Variants in CHD2 observed in about 807,000 individuals in gnomAD.
CHD2 encodes the protein ATP-dependent chromatin remodeler CHD2.
CHD2 carries 28 observed loss-of-function variants against 243.9 expected under a neutral mutation model. The ratio of observed to expected loss-of-function variants is 0.11; its 90% confidence interval spans 0.09 to 0.16. CHD2 has a LOEUF of 0.16. Among genes scored for constraint, CHD2 ranks in the 10% least tolerant of loss-of-function variants. The pLI, the probability that CHD2 is intolerant of heterozygous loss-of-function variation, is 1.00. For missense variants in CHD2, 1,386 were observed against 2,209.8 expected (o/e 0.63, Z 7.47); for synonymous variants, 775 against 779.0 (o/e 0.99, Z 0.09).
At chr15:92,904,408 C>A in intron 2 of CHD2, 2 of 967,754 alleles carry the variant, frequency 2.1e-6, no homozygotes, top group Non-Finnish European at 2.5e-6. Context: ...CCCTGGGGGG[C>A]GGGGAGAGAA....
At chr15:93,021,184 A>G (rs1031961473) in intron 38 of CHD2, 1 of 152,188 alleles carries the variant, frequency 6.6e-6, no homozygotes, top group Non-Finnish European at 1.5e-5. Context: ...TGCTGAGTGT[A>G]TACATTTTTG....
In CHD2 at chr15:93,025,796, C is replaced by G. The variant is rs1200319237; in HGVS notation, c.*1091C>G. The G allele has an allele frequency of 1.3e-5, 2 of 152,192 alleles. No homozygotes were observed. The highest frequency in any genetic ancestry group is 2.4e-5 in the African/African-American group (1 of 41,428). 9.4% of individuals were successfully genotyped at this position (152,192 alleles called of 1,614,324 possible). A position where few individuals can be genotyped will look rare whatever the true frequency, so the allele number is the denominator to read the frequency against. On this transcript the variant is annotated 3_prime_UTR_variant, in exon 39 of 39. Coordinates refer to ENST00000394196, the MANE Select transcript of CHD2 (RefSeq NM_001271.4). ...TCAGTATTGCGCTAGGTCAACACTT[C>G]CTGCTGCATTTCCTTCCCTTTGCAC...
At position 92,927,222 on chromosome 15, in the gene CHD2, G is replaced by A. The variant is rs147887115; in HGVS notation, c.295-22G>A. ...ATGGGGGTCAAGAAAAAAGATTAATGCGTGGTCTCTTAATTTTACAGATGT... is the reference window on the plus strand; with the variant it reads ...ATGGGGGTCAAGAAAAAAGATTAATACGTGGTCTCTTAATTTTACAGATGT... On this transcript the variant is annotated intron_variant, in intron 3 of 38. Transcript: ENST00000394196. The A allele has an allele frequency of 7.9e-5, 122 of 1,544,976 alleles. No individual in the cohort carries two copies. In the African/African-American group the frequency reaches 1.4e-3, roughly 18 times the overall value.
intron 18 of CHD2, 62 bp downstream of exon 18, chr15:92,971,989 A>G (rs1200726678): frequency 6.6e-7 from 1 of 1,504,818 alleles, no homozygotes; most frequent in Non-Finnish European, 9.0e-7. Context: ...GGTGCTTTTC[A>G]TCAGAATGCT....
chr15:92,979,460 A>G (rs2053949502), intron 22 of CHD2, among the ~76,000 whole-genome samples, 177 bp downstream of exon 22: 1 of 151,988 alleles, frequency 6.6e-6, no homozygotes, highest in African/African-American at 2.4e-5. Flanking sequence ...TTTTTTGCCC[A>G]TCACCCCCCT....
chr15:92,903,793 A>G (rs2052566019), intron 2 of CHD2, among the ~76,000 whole-genome samples: 1 of 152,222 alleles, frequency 6.6e-6, no homozygotes, highest in Admixed American at 6.5e-5. Context: ...AATTTATCTT[A>G]AGAATTGAAC....
Position 92,998,716 on chromosome 15 carries a change from C to T in CHD2, c.4008+95C>T. 7.0e-7 allele frequency: 1 copy of T among 1,418,742 alleles called. No individual in the cohort carries two copies. The highest frequency in any genetic ancestry group is 9.6e-7 in the Non-Finnish European group (1 of 1,043,722). 87.9% of individuals were successfully genotyped at this position (1,418,742 alleles called of 1,614,324 possible). A position where few individuals can be genotyped will look rare whatever the true frequency, so the allele number is the denominator to read the frequency against. On this transcript the variant is annotated intron_variant, in intron 31 of 38. Coordinates refer to ENST00000394196, the MANE Select transcript of CHD2 (RefSeq NM_001271.4). This position sits in a 1 kb window ranked among gnomAD's most constrained non-coding sequence, Gnocchi z 5.1. ...AGAGAGGCCCTCTCTGAGCACTGCA[C>T]AGAATGTCACCTTCTCATGGGCATA...
At chr15:92,965,121 T>C (rs771600686) in intron 16 of CHD2, 1 of 152,208 alleles carries the variant, frequency 6.6e-6, no homozygotes, top group Non-Finnish European at 1.5e-5. Context: ...AATACAGAAG[T>C]TGATAGCAGG....
At chr15:92,948,320 C>A (rs7167194) in intron 12 of CHD2, among the ~76,000 whole-genome samples, 69,981 of 151,984 alleles carry the variant, frequency 0.46, 17,322 homozygotes, top group East Asian at 0.85. Flanking sequence ...TCTTTAGAAT[C>A]AGATAACAGA....
At chr15:92,928,493 A>G (rs1373598290) in intron 4 of CHD2, among the ~76,000 whole-genome samples, 3 of 119,830 alleles carry the variant, frequency 2.5e-5, no homozygotes, top group Non-Finnish European at 1.9e-5. Flanking sequence ...GAGTGAACAT[A>G]CTCTTAAATG....
Position 92,926,258 on chromosome 15 carries a change from C to T in CHD2, c.295-986C>T, listed in dbSNP as rs372199125. ...AGGGTGGTGGGATTACATGCCTGGC[C>T]CTACACTTTTAAATACAAACATTTC... is the stretch of plus-strand genomic sequence containing the variant. On this transcript the variant is annotated intron_variant, in intron 3 of 38. Coordinates refer to ENST00000394196, the MANE Select transcript of CHD2 (RefSeq NM_001271.4). Among the ~76,000 whole-genome samples, 146 of 152,344 alleles carry T rather than the reference C, an allele frequency of 9.6e-4. 2 individuals are homozygous for T. The South Asian group carries it at 0.029, about 31-fold the overall frequency.
At chr15:92,909,267 T>G (rs540938417) in intron 2 of CHD2, among the ~76,000 whole-genome samples, 1 of 152,330 alleles carries the variant, frequency 6.6e-6, no homozygotes, top group African/African-American at 2.4e-5. Flanking sequence ...GAAGTTTAGA[T>G]TCTAGAATTA....
Position 92,991,525 on chromosome 15 carries a change from C to T in CHD2, c.3455+8C>T. ...TGGTCTCCCTCTTGAACGGTAAGTTCAGTGTAATAGTCCCTTATCTTCCTC... is the reference window on the plus strand; with the variant it reads ...TGGTCTCCCTCTTGAACGGTAAGTTTAGTGTAATAGTCCCTTATCTTCCTC... On this transcript the variant is annotated splice_region_variant and intron_variant, in intron 27 of 38. Coordinates refer to ENST00000394196, the MANE Select transcript of CHD2 (RefSeq NM_001271.4). 1.9e-6 allele frequency: 3 copies of T among 1,601,080 alleles called. No individual in the cohort carries two copies. Among genetic ancestry groups the T allele is most frequent in the Non-Finnish European group, 2.6e-6 (3 of 1,171,224 alleles).
intron 28 of CHD2, 106 bp from the exon 29 acceptor site, chr15:92,996,851 C>T: frequency 9.2e-7 from 1 of 1,085,378 alleles, no homozygotes; most frequent in Non-Finnish European, 1.3e-6. Context: ...AACAATAAGC[C>T]AGAGATATAT....
At chr15:92,964,101 T>C (rs551176160) in intron 16 of CHD2, among the ~76,000 whole-genome samples, 204 of 152,358 alleles carry the variant, frequency 1.3e-3, no homozygotes, top group African/African-American at 4.8e-3. Flanking sequence ...TCTTTTGTAA[T>C]TGGAGAGAGG....
At chr15:92,927,584 A>G (rs539092492) in intron 4 of CHD2, among the ~76,000 whole-genome samples, 15 of 152,236 alleles carry the variant, frequency 9.9e-5, no homozygotes, top group African/African-American at 3.6e-4. Context: ...AAAATGGTTT[A>G]TTTTTTAAGT....
intron 34 of CHD2, among the ~76,000 whole-genome samples, chr15:93,006,419 C>T (rs952614104): frequency 1.3e-5 from 2 of 152,156 alleles, no homozygotes; most frequent in African/African-American, 4.8e-5. Context: ...GCCACCGCAC[C>T]CGGCCTTTTC....
chr15:93,011,063 G>A lies in CHD2; in HGVS notation c.4593-1282G>A, dbSNP rs762354285. Among the ~76,000 whole-genome samples, 25 of 151,792 alleles carry A rather than the reference G, an allele frequency of 1.6e-4. 1 individual carries two copies. The highest frequency in any genetic ancestry group is 2.6e-4 in the Admixed American group (4 of 15,264). ...TTACCAACTTCTTTCTTTACCTAGCGGCATCTGGCCTTTTTTTTTTTTCTT... is the reference window on the plus strand; with the variant it reads ...TTACCAACTTCTTTCTTTACCTAGCAGCATCTGGCCTTTTTTTTTTTTCTT... On this transcript the variant is annotated intron_variant, in intron 35 of 38. Coordinates refer to ENST00000394196, the MANE Select transcript of CHD2 (RefSeq NM_001271.4).
chr15:93,018,667 C>T lies in CHD2; in HGVS notation c.4907-1345C>T, dbSNP rs76859432. ...CAGGGTTGGTTCCTTCTGGAGGCTC[C>T]GAGGGAAAAGCTGTTCCATGCCTCT... On this transcript the variant is annotated intron_variant, in intron 37 of 38. Coordinates refer to ENST00000394196, the MANE Select transcript of CHD2 (RefSeq NM_001271.4). Among the ~76,000 whole-genome samples, 1,061 of 152,258 alleles carry T rather than the reference C, an allele frequency of 7.0e-3. 13 individuals carry two copies. Among genetic ancestry groups the T allele is most frequent in the Non-Finnish European group, 8.5e-3 (578 of 68,012 alleles).
Sources: gnomAD v4.1 joint callset for allele counts (sites outside exome capture counted in the v4.1 genomes callset) on GRCh38, gnomAD v4.1.1 for gene constraint, Gnocchi (gnomAD v3.1) non-coding constraint, MANE v1.5 for transcripts, NCBI Gene and HGNC (gene_info 2026-07-23, HGNC 2026-07-21) for gene names.